The following STX3 variants were observed in gnomAD, a reference collection of about 807,000 sequenced individuals.
STX3 encodes syntaxin 3.
In STX3, 19 loss-of-function variants were observed where a neutral mutation model predicts 40.2. That is an observed-to-expected ratio of 0.47 (90% CI 0.33 to 0.69). The LOEUF (loss-of-function observed/expected upper bound fraction) is 0.69. Among genes scored for constraint, STX3 ranks in the 30% least tolerant of loss-of-function variants. The probability of loss-of-function intolerance (pLI) is 0.02; values close to 1 mark genes in which losing one functional copy is unlikely to be tolerated. For missense variants in STX3, 364 were observed against 366.7 expected (o/e 0.99, Z 0.06); for synonymous variants, 122 against 132.2 (o/e 0.92, Z 0.53).
At position 59,801,725 on chromosome 11, in the gene STX3, G is replaced by A. The variant is rs1865894850; in HGVS notation, c.*901G>A. ...TCATGACACTGGTGTATTCACTCAT[G>A]TGTTCCAGATGTATTCTAATTGTGT... On this transcript the variant is annotated 3_prime_UTR_variant, in exon 11 of 11. Transcript: ENST00000337979. The A allele has an allele frequency of 1.0e-6, 1 of 985,600 alleles. No homozygotes were observed. Among genetic ancestry groups the A allele is most frequent in the African/African-American group, 1.7e-5 (1 of 57,192 alleles). 61.1% of individuals were successfully genotyped at this position (985,600 alleles called of 1,614,324 possible). A position where few individuals can be genotyped will look rare whatever the true frequency, so the allele number is the denominator to read the frequency against.
intron 1 of STX3, among the ~76,000 whole-genome samples, chr11:59,764,883 C>CTATTAT (rs71454394): frequency 0.041 from 6,001 of 145,092 alleles, 154 homozygotes; most frequent in East Asian, 0.088. Context: ...CACACATTAT[C>CTATTAT]TATTATTATT....
intron 4 of STX3, among the ~76,000 whole-genome samples, chr11:59,789,467 A>G (rs2135003684): frequency 6.7e-6 from 1 of 149,840 alleles, no homozygotes; most frequent in South Asian, 2.1e-4. Flanking sequence ...TTAAGACAGA[A>G]TCTTGCTCTG....
chr11:59,778,153 T>C (rs1697239393), intron 2 of STX3, among the ~76,000 whole-genome samples: 1 of 152,146 alleles, frequency 6.6e-6, no homozygotes, highest in African/African-American at 2.4e-5. Flanking sequence ...TGCTTGGCTC[T>C]GTTACTGAAG....
In STX3 at chr11:59,797,361, A is replaced by C. The variant is rs1411738402; in HGVS notation, c.865A>C (p.Asn289His). 2 of 1,613,992 alleles carry C rather than the reference A, an allele frequency of 1.2e-6. No individual in the cohort carries two copies. Among genetic ancestry groups the C allele is most frequent in the Non-Finnish European group, 1.7e-6 (2 of 1,180,018 alleles). ...GATTATTGGACTTTCCGTTGGGCTG[A>C]ATTAAGAGTGGCCTAAGAGGCTGCT... ...ALIIGLSVGL[N>H] The change falls in exon 10 of 11, where the codon AAT (asparagine) becomes CAT (histidine). Residue 289 changes from asparagine to histidine, a missense_variant. Coordinates refer to ENST00000337979, the MANE Select transcript of STX3 (RefSeq NM_004177.5).
intron 9 of STX3, among the ~76,000 whole-genome samples, chr11:59,796,168 G>A (rs1865508348): frequency 6.6e-6 from 1 of 152,192 alleles, no homozygotes; most frequent in Non-Finnish European, 1.5e-5. Context: ...TGGAGCACCT[G>A]TTATTTCTAC....
chr11:59,771,143 G>A (rs369793741), intron 1 of STX3, among the ~76,000 whole-genome samples: 29 of 152,246 alleles, frequency 1.9e-4, no homozygotes, highest in East Asian at 1.7e-3. Context: ...TATCCACTTC[G>A]GCTGGGTGCA....
In STX3 at chr11:59,803,616, C is replaced by G. The variant is rs1453479508; in HGVS notation, c.*2792C>G. 6.6e-6 allele frequency among the ~76,000 whole-genome samples: 1 copy of G among 152,084 alleles called. No homozygotes were observed. ...TGGTATCTGGAAGTGACAAAAAGAA[C>G]AAGAATTAGTTCTTGCATTAGGTGC... On this transcript the variant is annotated 3_prime_UTR_variant, in exon 11 of 11. Coordinates refer to ENST00000337979, the MANE Select transcript of STX3 (RefSeq NM_004177.5).
At chr11:59,756,315 A>G (rs1862715879) in intron 1 of STX3, among the ~76,000 whole-genome samples, 1 of 152,232 alleles carries the variant, frequency 6.6e-6, no homozygotes, top group African/African-American at 2.4e-5. Flanking sequence ...AATGGGAATG[A>G]TCATACCCTA....
intron 1 of STX3, among the ~76,000 whole-genome samples, chr11:59,759,566 G>C (rs554512784): frequency 6.6e-6 from 1 of 152,324 alleles, no homozygotes; most frequent in East Asian, 1.9e-4. Context: ...GTGATGTATG[G>C]AATAGAGGTT....
At chr11:59,769,680 T>C (rs1863467193) in intron 1 of STX3, among the ~76,000 whole-genome samples, 3 of 152,148 alleles carry the variant, frequency 2.0e-5, no homozygotes, top group Non-Finnish European at 2.9e-5. Context: ...ACTTACGTCA[T>C]GATGGAGTGA....
intron 2 of STX3, among the ~76,000 whole-genome samples, chr11:59,781,085 C>CTTTTT (rs67745750): frequency 8.6e-6 from 1 of 116,084 alleles, no homozygotes; most frequent in African/African-American, 3.4e-5. Context: ...CATTTGTTTT[C>CTTTTT]TTTTTTTTTT....
chr11:59,793,306 G>A (rs1865315176), intron 7 of STX3, 74 bp from the exon 8 acceptor site: 1 of 1,603,732 alleles, frequency 6.2e-7, no homozygotes, highest in Non-Finnish European at 8.5e-7. Flanking sequence ...CTCCCCAGGA[G>A]CGTGCATGAG....
intron 2 of STX3, chr11:59,781,592 A>G (rs762620406): frequency 1.9e-5 from 31 of 1,613,892 alleles, no homozygotes; most frequent in South Asian, 4.4e-5. Flanking sequence ...AAGTGATGAT[A>G]CAATCTGGCT....
intron 1 of STX3, 149 bp from the exon 2 acceptor site, chr11:59,773,062 G>C: frequency 1.4e-6 from 1 of 691,300 alleles, no homozygotes; most frequent in East Asian, 2.7e-5. Flanking sequence ...TTGAGACACC[G>C]GAATTTGATA....
At chr11:59,755,689 G>A in intron 1 of STX3, 54 bp downstream of exon 1, 1 of 1,539,912 alleles carries the variant, frequency 6.5e-7, no homozygotes, top group Non-Finnish European at 8.7e-7. Flanking sequence ...ATGGGAGAGG[G>A]GCTTCCCTTT....
chr11:59,798,798 G>C lies in STX3; in HGVS notation c.*30+1402G>C, dbSNP rs971911321. On this transcript the variant is annotated intron_variant, in intron 10 of 10. Transcript: ENST00000337979. ...CAAAGTGCTAGGATTACAGGCGTGA[G>C]CCACTGCACCCGGCCTGAATCACGT... 2.0e-5 allele frequency among the ~76,000 whole-genome samples: 3 copies of C among 152,320 alleles called. No homozygotes were observed. The East Asian group carries it at 5.8e-4, about 29-fold the overall frequency.
rs915698465 is a variant in STX3 at position 59,800,269 on chromosome 11, T to C, written c.*31-586T>C. The C allele has an allele frequency of 4.1e-6, 4 of 985,314 alleles. No individual in the cohort carries two copies. The African/African-American group carries it at 7.0e-5, about 17-fold the overall frequency. 61.0% of individuals were successfully genotyped at this position (985,314 alleles called of 1,614,324 possible). ...GGAGAGAGGTCTCTGAACAGGAGGG[T>C]AGACAGTGTGTTTATATTTCCTAGT... On this transcript the variant is annotated intron_variant, in intron 10 of 10. Transcript: ENST00000337979.
At chr11:59,771,086 G>T (rs1395320014) in intron 1 of STX3, among the ~76,000 whole-genome samples, 1 of 152,200 alleles carries the variant, frequency 6.6e-6, no homozygotes, top group Admixed American at 6.5e-5. Context: ...GTGAGGGGTT[G>T]CTCCACAGAG....
In STX3 at chr11:59,801,423, T is replaced by G; in HGVS notation, c.*599T>G. On this transcript the variant is annotated 3_prime_UTR_variant, in exon 11 of 11. Transcript: ENST00000337979. Reference sequence around the variant, plus strand: ...TTTGAAATTCAGCCTTAAATTAAGCTCTTAGTTGTTCAGCTTGGGGGGCAA... The same window carrying G: ...TTTGAAATTCAGCCTTAAATTAAGCGCTTAGTTGTTCAGCTTGGGGGGCAA... 1 of 987,134 alleles carries G rather than the reference T, an allele frequency of 1.0e-6. No homozygotes were observed. Among genetic ancestry groups the G allele is most frequent in the Non-Finnish European group, 1.2e-6 (1 of 830,914 alleles). The allele number at this position is 987,134 out of a possible 1,614,324, so 61.1% of individuals were successfully genotyped here. A position where few individuals can be genotyped will look rare whatever the true frequency, so the allele number is the denominator to read the frequency against.
Sources: allele counts gnomAD v4.1 joint callset (sites outside exome capture counted in the v4.1 genomes callset), GRCh38; gene constraint gnomAD v4.1.1; transcripts MANE v1.5; gene names NCBI Gene and HGNC (gene_info 2026-07-23, HGNC 2026-07-21).